The following TRAF3 variants were observed in gnomAD, a reference collection of about 807,000 sequenced individuals.
TRAF3 encodes the protein TNF receptor associated factor 3, also known as TNF receptor-associated factor 3.
In TRAF3, 13 loss-of-function variants were observed where a neutral mutation model predicts 62.3. That is an observed-to-expected ratio of 0.21 (90% CI 0.14 to 0.33). The LOEUF (loss-of-function observed/expected upper bound fraction) is 0.33. TRAF3 is among the 10% of genes least tolerant of loss of function. The probability of loss-of-function intolerance (pLI) is 1.00; values close to 1 mark genes in which losing one functional copy is unlikely to be tolerated. For missense variants in TRAF3, 440 were observed against 741.8 expected, an observed-to-expected ratio of 0.59 and a Z score of 4.73; for synonymous variants, 269 against 283.4, an observed-to-expected ratio of 0.95 and a Z score of 0.51.
In TRAF3 at chr14:102,805,919, A is replaced by C. The variant is rs375867686; in HGVS notation, c.-156-24415A>C. Among the ~76,000 whole-genome samples the C allele has an allele frequency of 2.0e-3, 306 of 151,848 alleles. 1 individual carries two copies. Among genetic ancestry groups the C allele is most frequent in the Middle Eastern group, 6.8e-3 (2 of 294 alleles). On this transcript the variant is annotated intron_variant, in intron 1 of 11. Transcript: ENST00000392745. Reference sequence around the variant, plus strand: ...TAGTTGTTTTTAAGTGAACATTTCAAACTTAACTAAATTTGATTCCTGTTT... The same window carrying C: ...TAGTTGTTTTTAAGTGAACATTTCACACTTAACTAAATTTGATTCCTGTTT...
chr14:102,891,188 A>C, intron 8 of TRAF3, 137 bp from the exon 9 acceptor site: 3 of 823,794 alleles, frequency 3.6e-6, no homozygotes, highest in Non-Finnish European at 2.0e-6. Context: ...CCTTAGGCGC[A>C]GAGATTCCCT....
intron 2 of TRAF3, among the ~76,000 whole-genome samples, chr14:102,867,939 G>A (rs958559657): frequency 2.6e-5 from 4 of 152,142 alleles, no homozygotes; most frequent in Non-Finnish European, 4.4e-5. Flanking sequence ...GTCTGCTGCC[G>A]GCGTTCATTC....
At chr14:102,884,827 A>G (rs539474655) in intron 6 of TRAF3, among the ~76,000 whole-genome samples, 1 of 152,150 alleles carries the variant, frequency 6.6e-6, no homozygotes, top group Non-Finnish European at 1.5e-5. Flanking sequence ...AAAAAAAAGA[A>G]AAAGCACATA....
chr14:102,903,168 C>G lies in TRAF3; in HGVS notation c.961-87C>G. On this transcript the variant is annotated intron_variant, in intron 10 of 11. Coordinates refer to ENST00000392745, the MANE Select transcript of TRAF3 (RefSeq NM_145725.3). This position sits in a 1 kb window ranked among gnomAD's most constrained non-coding sequence, Gnocchi z 6.4. ...TACAGGGGCCTCTGACTGTTCTGCT[C>G]CTAGCCTGTCTGTATTTGATGGAAG... 1 of 1,592,574 alleles carries G rather than the reference C, an allele frequency of 6.3e-7. No individual in the cohort carries two copies.
chr14:102,860,461 G>A (rs8012367), intron 2 of TRAF3, among the ~76,000 whole-genome samples: 1 of 152,048 alleles, frequency 6.6e-6, no homozygotes, highest in South Asian at 2.1e-4. Flanking sequence ...CTTGAATATC[G>A]ACTTTTAATT....
At chr14:102,783,654 C>A (rs1897356964) in intron 1 of TRAF3, among the ~76,000 whole-genome samples, 1 of 152,054 alleles carries the variant, frequency 6.6e-6, no homozygotes, top group South Asian at 2.1e-4. Flanking sequence ...TACTTCGTTC[C>A]CTAAATCTTT....
At chr14:102,834,431 G>A (rs1374729314) in intron 2 of TRAF3, among the ~76,000 whole-genome samples, 2 of 151,290 alleles carry the variant, frequency 1.3e-5, no homozygotes, top group African/African-American at 4.9e-5. Context: ...GGGCGCGGTG[G>A]CTCACGCTTG....
At position 102,785,259 on chromosome 14, in the gene TRAF3, C is replaced by T. The variant is rs147028756; in HGVS notation, c.-157+7584C>T. 5.7e-3 allele frequency among the ~76,000 whole-genome samples: 872 copies of T among 152,316 alleles called. 8 individuals carry two copies. Among genetic ancestry groups the T allele is most frequent in the Non-Finnish European group, 5.6e-3 (379 of 68,030 alleles). ...ATGGCTGATACTCTAGGCCGCACTCCGTTCCATCTCTGGCGTAAGTTCCTT... is the reference window on the plus strand; with the variant it reads ...ATGGCTGATACTCTAGGCCGCACTCTGTTCCATCTCTGGCGTAAGTTCCTT... On this transcript the variant is annotated intron_variant, in intron 1 of 11. Coordinates refer to ENST00000392745, the MANE Select transcript of TRAF3 (RefSeq NM_145725.3).
chr14:102,870,111 T>G (rs540412578), intron 2 of TRAF3, 74 bp from the exon 3 acceptor site: 6 of 1,605,556 alleles, frequency 3.7e-6, no homozygotes, highest in Non-Finnish European at 5.1e-6. Context: ...CTCAGGCACT[T>G]TTGCTTTCCC....
At chr14:102,825,359 TAATC>T (rs1316250372) in intron 1 of TRAF3, among the ~76,000 whole-genome samples, 1 of 152,204 alleles carries the variant, frequency 6.6e-6, no homozygotes, top group Admixed American at 6.5e-5. Context: ...TTGCTGCCCT[TAATC>T]AGATGGTCGA....
At chr14:102,861,766 C>T (rs183938567) in intron 2 of TRAF3, among the ~76,000 whole-genome samples, 1 of 152,302 alleles carries the variant, frequency 6.6e-6, no homozygotes, top group African/African-American at 2.4e-5. Flanking sequence ...ACTCAATAGG[C>T]AGAGCAGCCG....
chr14:102,858,213 G>A (rs1037059922), intron 2 of TRAF3, among the ~76,000 whole-genome samples: 10 of 151,132 alleles, frequency 6.6e-5, no homozygotes, highest in South Asian at 2.1e-4. Context: ...ATGCAATGGC[G>A]TGATCTTGGC....
At chr14:102,791,200 T>C (rs528828192) in intron 1 of TRAF3, among the ~76,000 whole-genome samples, 19 of 152,100 alleles carry the variant, frequency 1.2e-4, no homozygotes, top group African/African-American at 4.1e-4. Context: ...TTTGTATTTT[T>C]TGTAGAGACG....
chr14:102,801,714 T>A (rs2139461800), intron 1 of TRAF3, among the ~76,000 whole-genome samples: 1 of 152,032 alleles, frequency 6.6e-6, no homozygotes, highest in East Asian at 1.9e-4. Context: ...TAAAAAAAAT[T>A]TTTAATTAAA....
chr14:102,871,785 C>T (rs1026034225), intron 3 of TRAF3, 132 bp from the exon 4 acceptor site: 6 of 782,226 alleles, frequency 7.7e-6, no homozygotes, highest in East Asian at 2.5e-5. Context: ...ATCACCAGGG[C>T]GTCCTGAAGC....
intron 2 of TRAF3, among the ~76,000 whole-genome samples, chr14:102,832,719 C>A (rs938940637): frequency 5.3e-5 from 8 of 152,014 alleles, no homozygotes; most frequent in South Asian, 2.1e-4. Context: ...ACACACACAC[C>A]CACTCTCTCT....
intron 1 of TRAF3, among the ~76,000 whole-genome samples, chr14:102,777,961 C>G (rs1445104428): frequency 2.7e-5 from 4 of 150,490 alleles, no homozygotes; most frequent in Admixed American, 1.3e-4. Context: ...GGCGCCCGCA[C>G]CTTTTCAGGA....
At chr14:102,888,306 C>A (rs1371958739) in intron 7 of TRAF3, among the ~76,000 whole-genome samples, 1 of 152,222 alleles carries the variant, frequency 6.6e-6, no homozygotes, top group Non-Finnish European at 1.5e-5. Flanking sequence ...TTCTGAGGAG[C>A]AGCAAGGGCG....
At chr14:102,894,762 C>T (rs745817953) in intron 9 of TRAF3, among the ~76,000 whole-genome samples, 10 of 152,078 alleles carry the variant, frequency 6.6e-5, no homozygotes, top group Non-Finnish European at 1.0e-4. Context: ...AGAGCAGTGG[C>T]GCAATTATGG....
Sources: gnomAD v4.1 joint callset for allele counts (sites outside exome capture counted in the v4.1 genomes callset) on GRCh38, gnomAD v4.1.1 for gene constraint, Gnocchi (gnomAD v3.1) non-coding constraint, MANE v1.5 for transcripts, NCBI Gene and HGNC (gene_info 2026-07-23, HGNC 2026-07-21) for gene names.